NLRP8: variants seen among roughly 807,000 people sequenced by gnomAD.
NLRP8 encodes the protein NLR family pyrin domain containing 8.
A neutral mutation model predicts 88.7 loss-of-function variants in NLRP8; 86 were observed. That is an observed-to-expected ratio of 0.97 (90% CI 0.81 to 1.16). NLRP8 has a LOEUF of 1.16. Ranked by LOEUF, NLRP8 falls within the 50% of genes most tolerant of loss-of-function variation. The pLI is 0.00. For missense variants in NLRP8, 1,342 were observed against 1,286.5 expected (o/e 1.04, Z -0.66); for synonymous variants, 504 against 494.6 (o/e 1.02, Z -0.25).
At chr19:55,975,389 C>A (rs536891552) in intron 7 of NLRP8, among the ~76,000 whole-genome samples, 4 of 152,304 alleles carry the variant, frequency 2.6e-5, no homozygotes, top group African/African-American at 7.2e-5. Context: ...AAAGGTGAAG[C>A]ACAGACTTAA....
In NLRP8 at chr19:55,955,989, T is replaced by C. The variant is rs1324324651; in HGVS notation, c.1931T>C (p.Val644Ala). Reference sequence around the variant, plus strand: ...ATTGGCAACAACAAAGAAGTTCAAGTGTCTGCTTTTTGCCTGAAGCGGTGT... The same window carrying C: ...ATTGGCAACAACAAAGAAGTTCAAGCGTCTGCTTTTTGCCTGAAGCGGTGT... The change falls in exon 3 of 10, where the codon GTG (valine) becomes GCG (alanine). Residue 644 changes from valine (V) to alanine (A), a missense_variant. Physicochemically the swap from Val to Ala is moderately conservative, Grantham distance 64 (BLOSUM62 0). Transcript: ENST00000291971. The C allele has an allele frequency of 2.5e-6, 4 of 1,613,984 alleles. No homozygotes were observed. The African/African-American group carries it at 4.0e-5, about 16-fold the overall frequency.
chr19:55,955,172 C>T lies in NLRP8; in HGVS notation c.1114C>T (p.His372Tyr). The change falls in exon 3 of 10, where the codon CAC (histidine) becomes TAC (tyrosine). Residue 372 changes from histidine (H) to tyrosine (Y), a missense_variant. Coordinates refer to ENST00000291971, the MANE Select transcript of NLRP8 (RefSeq NM_176811.2). ...CAAGTATTTCCAGATGTATTTTGGACACACAGAGGAGGGAGACCAAGTCTT... is the reference window on the plus strand; with the variant it reads ...CAAGTATTTCCAGATGTATTTTGGATACACAGAGGAGGGAGACCAAGTCTT... The T allele has an allele frequency of 6.2e-7, 1 of 1,614,026 alleles. No individual in the cohort carries two copies. The highest frequency in any genetic ancestry group is 1.1e-5 in the South Asian group (1 of 91,078).
At chr19:55,959,006 G>T (rs762723076) in intron 3 of NLRP8, among the ~76,000 whole-genome samples, 2 of 151,784 alleles carry the variant, frequency 1.3e-5, no homozygotes, top group African/African-American at 4.8e-5. Context: ...AGCCTCCCGA[G>T]TAGCTGGGAC....
At chr19:55,949,574 T>A (rs553012386) in intron 1 of NLRP8, among the ~76,000 whole-genome samples, 64 of 152,234 alleles carry the variant, frequency 4.2e-4, no homozygotes, top group African/African-American at 1.4e-3. Flanking sequence ...TCCACATTGT[T>A]CAGTACTATC....
intron 8 of NLRP8, among the ~76,000 whole-genome samples, chr19:55,976,849 G>A (rs562079481): frequency 1.2e-4 from 18 of 144,548 alleles, no homozygotes; most frequent in Admixed American, 2.8e-4. Flanking sequence ...GGAGGCTGAG[G>A]TGGGGCGGAT....
intron 8 of NLRP8, among the ~76,000 whole-genome samples, chr19:55,977,505 A>C (rs1980402200): frequency 6.9e-6 from 1 of 145,322 alleles, no homozygotes; most frequent in South Asian, 2.1e-4. Flanking sequence ...TTATATAAAT[A>C]TATGTATTAT....
At chr19:55,976,084 T>G (rs306482) in intron 7 of NLRP8, 49 bp from the exon 8 acceptor site, 847,551 of 1,433,778 alleles carry the variant, frequency 0.59, 249,637 homozygotes, top group East Asian at 0.63. Context: ...TTGTTGTTGT[T>G]TTGTTGTAGT....
rs1266350214 is a variant in NLRP8, at chr19:55,973,791, C to T, written c.2674C>T (p.Pro892Ser). The change falls in exon 7 of 10, where the codon CCA becomes TCA. Residue 892 changes from proline (P) to serine (S), a missense_variant. By Grantham distance (74) the Pro-to-Ser change is moderately conservative (BLOSUM62 -1). Coordinates refer to ENST00000291971, the MANE Select transcript of NLRP8 (RefSeq NM_176811.2). ...GGCCAAGCATATTTGGAATGCCCTG[C>T]CACACCTGAGATGTCCTCTGCAGAG... The T allele has an allele frequency of 3.1e-6, 5 of 1,613,724 alleles. No homozygotes were observed. The highest frequency in any genetic ancestry group is 1.6e-4 in the Middle Eastern group (1 of 6,070).
In NLRP8 at chr19:55,948,229, C is replaced by T. The variant is rs1978938106; in HGVS notation, c.327C>T (p.Asn109=). 3.1e-6 allele frequency: 5 copies of T among 1,614,036 alleles called. No individual in the cohort carries two copies. The African/African-American group carries it at 6.7e-5, about 22-fold the overall frequency. ...CTTCGAACATCTTTGCCATTATGAACTGTGATAAAATGTGTGTTGTAGTCC... is the reference window on the plus strand; with the variant it reads ...CTTCGAACATCTTTGCCATTATGAATTGTGATAAAATGTGTGTTGTAGTCC... Residue 109 remains asparagine, a synonymous_variant, in exon 1 of 10, where the codon AAC becomes AAT. Transcript: ENST00000291971.
chr19:55,953,187 C>T (rs1418677721), intron 2 of NLRP8, among the ~76,000 whole-genome samples: 2 of 152,014 alleles, frequency 1.3e-5, no homozygotes, highest in Non-Finnish European at 2.9e-5. Context: ...ACTGTGCATG[C>T]GAGGGATCTA....
At position 55,986,958 on chromosome 19, in the gene NLRP8, C is replaced by T. The variant is rs144543119; in HGVS notation, c.3048-856C>T. Among the ~76,000 whole-genome samples, 427 of 152,358 alleles carry T rather than the reference C, an allele frequency of 2.8e-3. 5 individuals are homozygous for T. The highest frequency in any genetic ancestry group is 0.01 in the African/African-American group (416 of 41,594). ...CTCAAAGCCCAGGACCAAAGGATTCCTTGAAAGAACAAAGTCCAGTTACCC... is the reference window on the plus strand; with the variant it reads ...CTCAAAGCCCAGGACCAAAGGATTCTTTGAAAGAACAAAGTCCAGTTACCC... On this transcript the variant is annotated intron_variant, in intron 9 of 9. Transcript: ENST00000291971.
intron 5 of NLRP8, among the ~76,000 whole-genome samples, chr19:55,969,029 C>T (rs1435841595): frequency 2.0e-5 from 3 of 152,226 alleles, no homozygotes; most frequent in Non-Finnish European, 2.9e-5. Context: ...AAACACTGCA[C>T]ACCAGGACTC....
At chr19:55,967,963 G>A (rs1979915540) in intron 5 of NLRP8, among the ~76,000 whole-genome samples, 1 of 152,176 alleles carries the variant, frequency 6.6e-6, no homozygotes, top group African/African-American at 2.4e-5. Flanking sequence ...TGGCCTCTGG[G>A]CCCATGCCAT....
At position 55,970,571 on chromosome 19, in the gene NLRP8, A is replaced by G; in HGVS notation, c.2409A>G (p.Arg803=). ...TGGAAGACTGCTTGGCCACCCCTAG[A>G]ATTTGGACTGATCTTGGCAATAATC... Residue 803 remains arginine, a synonymous_variant, in exon 6 of 10, where the codon AGA becomes AGG. Transcript: ENST00000291971. The G allele has an allele frequency of 6.2e-7, 1 of 1,614,078 alleles. No homozygotes were observed. The highest frequency in any genetic ancestry group is 8.5e-7 in the Non-Finnish European group (1 of 1,180,016).
intron 4 of NLRP8, among the ~76,000 whole-genome samples, chr19:55,964,305 G>A (rs1979740878): frequency 6.6e-6 from 1 of 152,234 alleles, no homozygotes; most frequent in Non-Finnish European, 1.5e-5. Context: ...AGGAGAAAAT[G>A]TCGTATGCTC....
At chr19:55,949,679 A>T (rs1333225420) in intron 1 of NLRP8, among the ~76,000 whole-genome samples, 1 of 152,196 alleles carries the variant, frequency 6.6e-6, no homozygotes, top group Non-Finnish European at 1.5e-5. Flanking sequence ...ATCCAGAAAC[A>T]TGATAGGAGC....
Position 55,957,669 on chromosome 19 carries a change from AT to A in NLRP8, c.2042+1570del, listed in dbSNP as rs1568460771. 1.2e-4 allele frequency among the ~76,000 whole-genome samples: 8 copies of A among 68,642 alleles called. 1 individual carries two copies. The highest frequency in any genetic ancestry group is 5.6e-3 in the Middle Eastern group (1 of 180). 45.0% of individuals were successfully genotyped at this position (68,642 alleles called of 152,430 possible). A position where few individuals can be genotyped will look rare whatever the true frequency, so the allele number is the denominator to read the frequency against. Reference sequence around the variant, plus strand: ...CCACTATCTTAAAAAAGAAAAAATAATAATTATATATATATATATATATATA... The same window carrying A: ...CCACTATCTTAAAAAAGAAAAAATAAAATTATATATATATATATATATATA... On this transcript the variant is annotated intron_variant, in intron 3 of 9. Coordinates refer to ENST00000291971, the MANE Select transcript of NLRP8 (RefSeq NM_176811.2).
At position 55,955,677 on chromosome 19, in the gene NLRP8, G is replaced by T; in HGVS notation, c.1619G>T (p.Arg540Leu). The T allele has an allele frequency of 6.2e-7, 1 of 1,614,126 alleles. No homozygotes were observed. The highest frequency in any genetic ancestry group is 8.5e-7 in the Non-Finnish European group (1 of 1,179,990). The change falls in exon 3 of 10, where the codon CGC becomes CTC. Residue 540 changes from arginine (R) to leucine (L), a missense_variant. By Grantham distance (102) the Arg-to-Leu change is moderately radical (BLOSUM62 -2). Coordinates refer to ENST00000291971, the MANE Select transcript of NLRP8 (RefSeq NM_176811.2). The stretch of plus-strand genomic sequence containing the variant: ...GTGTTGAGCCACGTGAATATCCAGC[G>T]CCTGATAGCGAGTCCCAGAGGAAGC...
chr19:55,987,194 T>C (rs1321215687), intron 9 of NLRP8, among the ~76,000 whole-genome samples: 1 of 151,830 alleles, frequency 6.6e-6, no homozygotes, highest in African/African-American at 2.4e-5. Context: ...CATGGTGAAA[T>C]CCTCATCTCT....
Sources: gnomAD v4.1 joint callset for allele counts (sites outside exome capture counted in the v4.1 genomes callset) on GRCh38, gnomAD v4.1.1 for gene constraint, MANE v1.5 for transcripts, NCBI Gene and HGNC (gene_info 2026-07-23, HGNC 2026-07-21) for gene names.